The following TOP6BL variants were observed in gnomAD, a reference collection of about 807,000 sequenced individuals.
The protein encoded by TOP6BL is TOP6B like initiator of meiotic double strand breaks.
chr11:66,779,926 C>A, the TOP6BL span, among the ~76,000 whole-genome samples: 1 of 148,752 alleles, frequency 6.7e-6, no homozygotes, highest in Non-Finnish European at 1.5e-5. Flanking sequence ...AACCAAACAC[C>A]GCATGTTCTC....
chr11:66,805,094 C>T, the TOP6BL span, among the ~76,000 whole-genome samples: 3 of 151,676 alleles, frequency 2.0e-5, no homozygotes, highest in Non-Finnish European at 4.4e-5. Context: ...TAAAGCCAGG[C>T]GTGGTGGTGT....
chr11:66,778,280 A>C, the TOP6BL span, among the ~76,000 whole-genome samples: 2 of 152,022 alleles, frequency 1.3e-5, no homozygotes, highest in Admixed American at 6.6e-5. Flanking sequence ...CATGATGTAC[A>C]AATCCCTGAA....
chr11:66,815,472 A>T, the TOP6BL span, among the ~76,000 whole-genome samples: 1 of 152,202 alleles, frequency 6.6e-6, no homozygotes. Flanking sequence ...ATACAAATAT[A>T]TAGTATTGGG....
chr11:66,808,332 C>G, the TOP6BL span, among the ~76,000 whole-genome samples: 1 of 152,052 alleles, frequency 6.6e-6, no homozygotes, highest in Non-Finnish European at 1.5e-5. Flanking sequence ...CCTGCAAGTT[C>G]GAGATCAGCC....
the TOP6BL span, chr11:66,816,107 C>T: frequency 8.1e-6 from 13 of 1,605,346 alleles, no homozygotes; most frequent in Admixed American, 3.4e-5. Flanking sequence ...GAGGATCAGT[C>T]TCAGACTATG....
chr11:66,798,804 G>C, the TOP6BL span, among the ~76,000 whole-genome samples: 4 of 152,098 alleles, frequency 2.6e-5, no homozygotes, highest in African/African-American at 9.7e-5. Flanking sequence ...GCCGGGCGTG[G>C]TGGCTCACGC....
At chr11:66,786,297 T>TA in the TOP6BL span, among the ~76,000 whole-genome samples, 2,087 of 144,740 alleles carry the variant, frequency 0.014, 42 homozygotes, top group African/African-American at 0.045. Context: ...AACTCTGTCT[T>TA]AAAAAAAAAA....
At chr11:66,808,809 G>A in the TOP6BL span, among the ~76,000 whole-genome samples, 9 of 152,180 alleles carry the variant, frequency 5.9e-5, no homozygotes, top group African/African-American at 2.2e-4. Context: ...AAATACAGAA[G>A]AGAGGGGTTA....
the TOP6BL span, among the ~76,000 whole-genome samples, chr11:66,754,146 C>A: frequency 6.6e-6 from 1 of 152,234 alleles, no homozygotes; most frequent in South Asian, 2.1e-4. Context: ...TCCATTGTCA[C>A]AATGATGCAC....
At chr11:66,800,969 T>C in the TOP6BL span, 4 of 1,568,740 alleles carry the variant, frequency 2.5e-6, no homozygotes, top group Non-Finnish European at 3.5e-6. Flanking sequence ...CCAAAATTTA[T>C]GTCAAACAGA....
At chr11:66,831,149 C>T in the TOP6BL span, among the ~76,000 whole-genome samples, 3 of 152,184 alleles carry the variant, frequency 2.0e-5, no homozygotes, top group Non-Finnish European at 4.4e-5. Flanking sequence ...CTCACATACA[C>T]TGTTTGTGGA....
the TOP6BL span, among the ~76,000 whole-genome samples, chr11:66,835,574 C>T: frequency 6.6e-6 from 1 of 152,166 alleles, no homozygotes; most frequent in Non-Finnish European, 1.5e-5. Flanking sequence ...AGTCCCAGTT[C>T]CCCTCTCCCT....
the TOP6BL span, among the ~76,000 whole-genome samples, chr11:66,798,766 A>G: frequency 6.6e-6 from 1 of 152,112 alleles, no homozygotes; most frequent in Non-Finnish European, 1.5e-5. Context: ...TTTAGGGAAA[A>G]TACAAGTGAT....
At chr11:66,796,893 A>G in the TOP6BL span, among the ~76,000 whole-genome samples, 2 of 149,852 alleles carry the variant, frequency 1.3e-5, no homozygotes, top group Non-Finnish European at 3.0e-5. Flanking sequence ...AGGTCTCACT[A>G]TATTGCCTAG....
the TOP6BL span, among the ~76,000 whole-genome samples, chr11:66,757,774 G>C: frequency 6.6e-6 from 1 of 152,096 alleles, no homozygotes; most frequent in South Asian, 2.1e-4. Context: ...TTTTAGTAGA[G>C]ATGGGATTTC....
the TOP6BL span, among the ~76,000 whole-genome samples, chr11:66,772,993 G>C: frequency 1.1e-4 from 16 of 152,132 alleles, no homozygotes; most frequent in Middle Eastern, 6.8e-3. Flanking sequence ...AAATCATCAA[G>C]GAAGCCATCT....
chr11:66,832,088 G>A, the TOP6BL span, among the ~76,000 whole-genome samples: 4 of 150,336 alleles, frequency 2.7e-5, no homozygotes, highest in South Asian at 8.4e-4. Flanking sequence ...TAACAAGTAT[G>A]GACACTTTCT....
the TOP6BL span, chr11:66,796,192 T>C: frequency 1.0e-6 from 1 of 983,162 alleles, no homozygotes; most frequent in Admixed American, 2.4e-5. Context: ...TGAGGTATAG[T>C]TACTTTTAGA....
the TOP6BL span, chr11:66,744,853 C>G: frequency 2.3e-6 from 3 of 1,309,616 alleles, no homozygotes; most frequent in Non-Finnish European, 2.9e-6. Flanking sequence ...CGGGCGGGTA[C>G]CCTTCGACTG....
Sources: allele counts gnomAD v4.1 joint callset (sites outside exome capture counted in the v4.1 genomes callset), GRCh38; gene constraint gnomAD v4.1.1; transcripts MANE v1.5; gene names NCBI Gene and HGNC (gene_info 2026-07-23, HGNC 2026-07-21).